The following DLGAP2 variants were observed in gnomAD, a reference collection of about 807,000 sequenced individuals.
The protein encoded by DLGAP2 is DLG associated protein 2.
Under a neutral mutation model 100.3 loss-of-function variants are expected in DLGAP2, and 26 were observed. The ratio of observed to expected loss-of-function variants is 0.26; its 90% CI spans 0.19 to 0.36. The LOEUF (loss-of-function observed/expected upper bound fraction) is 0.36. Among genes scored for constraint, DLGAP2 ranks in the 10% least tolerant of loss-of-function variants. The pLI, the probability that DLGAP2 is intolerant of heterozygous loss-of-function variation, is 1.00. For missense variants in DLGAP2, 1,858 were observed against 1,453.2 expected, an observed-to-expected ratio of 1.28 and a Z score of -4.53; for synonymous variants, 886 against 630.1, an observed-to-expected ratio of 1.41 and a Z score of -6.08.
chr8:1,300,933 C>T (rs544158942), intron 3 of DLGAP2: 1 of 152,286 alleles, frequency 6.6e-6, no homozygotes, highest in African/African-American at 2.4e-5. Flanking sequence ...ATGAACCGAG[C>T]TCAGCGTCCT....
chr8:1,536,536 G>C (rs1006715535), intron 4 of DLGAP2, among the ~76,000 whole-genome samples: 1 of 152,140 alleles, frequency 6.6e-6, no homozygotes, highest in African/African-American at 2.4e-5. Flanking sequence ...TGATCTGAAA[G>C]CATTTTGAGC....
chr8:1,119,494 T>C (rs1444279551), intron 2 of DLGAP2, among the ~76,000 whole-genome samples: 1 of 152,220 alleles, frequency 6.6e-6, no homozygotes, highest in Non-Finnish European at 1.5e-5. Flanking sequence ...GGCCCATTGC[T>C]TCTCGCAGTT....
chr8:1,087,441 C>T (rs1441007168), intron 2 of DLGAP2, among the ~76,000 whole-genome samples: 1 of 152,170 alleles, frequency 6.6e-6, no homozygotes. Context: ...AGGCTGTGAG[C>T]AGCATCAAAT....
intron 3 of DLGAP2, among the ~76,000 whole-genome samples, chr8:1,429,125 C>A (rs1797331535): frequency 6.6e-6 from 1 of 152,162 alleles, no homozygotes; most frequent in East Asian, 1.9e-4. Context: ...CAAAACAAAA[C>A]ATGTTGGATT....
At chr8:1,043,112 G>C (rs1172376899) in intron 2 of DLGAP2, among the ~76,000 whole-genome samples, 1 of 146,304 alleles carries the variant, frequency 6.8e-6, no homozygotes, top group African/African-American at 2.5e-5. Flanking sequence ...GATATGGGTG[G>C]TGGAAGTGGG....
chr8:1,434,388 C>A (rs1159932887), intron 3 of DLGAP2, among the ~76,000 whole-genome samples: 1 of 152,152 alleles, frequency 6.6e-6, no homozygotes, highest in African/African-American at 2.4e-5. Context: ...CCTGCCTGGC[C>A]CATCTCCTGT....
chr8:1,163,662 CG>C (rs974110933), intron 2 of DLGAP2, among the ~76,000 whole-genome samples: 25 of 152,242 alleles, frequency 1.6e-4, no homozygotes, highest in African/African-American at 6.0e-4. Context: ...TGGGGAGGGC[CG>C]GGGATCGAGA....
At chr8:1,132,597 G>T (rs904639279) in intron 2 of DLGAP2, among the ~76,000 whole-genome samples, 11 of 152,260 alleles carry the variant, frequency 7.2e-5, no homozygotes, top group African/African-American at 2.2e-4. Context: ...GCCCAACACA[G>T]TAAAGCCAGA....
intron 3 of DLGAP2, among the ~76,000 whole-genome samples, chr8:1,493,230 G>C (rs547703919): frequency 6.6e-6 from 1 of 152,136 alleles, no homozygotes; most frequent in African/African-American, 2.4e-5. Flanking sequence ...CGCCTCCATG[G>C]ATGGAGCGCA....
chr8:1,179,551 T>C (rs529007456), intron 2 of DLGAP2, among the ~76,000 whole-genome samples: 16 of 152,286 alleles, frequency 1.1e-4, no homozygotes, highest in Admixed American at 4.6e-4. Flanking sequence ...AGTTTCCTTT[T>C]ACTCAAGACG....
At chr8:1,446,654 T>G (rs1363132771) in intron 3 of DLGAP2, among the ~76,000 whole-genome samples, 2 of 152,232 alleles carry the variant, frequency 1.3e-5, no homozygotes, top group African/African-American at 4.8e-5. Flanking sequence ...TTGATGGGGA[T>G]GGCATTGAAT....
At chr8:956,375 G>T (rs887943585) in intron 2 of DLGAP2, among the ~76,000 whole-genome samples, 1 of 152,190 alleles carries the variant, frequency 6.6e-6, no homozygotes, top group Non-Finnish European at 1.5e-5. Flanking sequence ...TGCATGAACG[G>T]TATTGACAGG....
At chr8:1,209,518 T>C (rs562347279) in intron 2 of DLGAP2, among the ~76,000 whole-genome samples, 1 of 152,326 alleles carries the variant, frequency 6.6e-6, no homozygotes, top group South Asian at 2.1e-4. Context: ...GAGTGAATCA[T>C]TTTCATAAAT....
chr8:1,141,114 A>G (rs1336445394), intron 2 of DLGAP2, among the ~76,000 whole-genome samples: 1 of 151,968 alleles, frequency 6.6e-6, no homozygotes, highest in Non-Finnish European at 1.5e-5. Flanking sequence ...AATGATGGGG[A>G]GGCCGTGCTG....
intron 4 of DLGAP2, among the ~76,000 whole-genome samples, chr8:1,505,163 A>G (rs1799863272): frequency 6.6e-6 from 1 of 152,312 alleles, no homozygotes; most frequent in Admixed American, 6.5e-5. Flanking sequence ...AGAGGGTTAA[A>G]TGATGATTTT....
chr8:1,574,160 T>C (rs1413187665), intron 6 of DLGAP2, among the ~76,000 whole-genome samples: 1 of 152,144 alleles, frequency 6.6e-6, no homozygotes. Context: ...TAATATTTTA[T>C]AGTAACACTA....
chr8:1,675,427 G>A (rs1798789447), intron 10 of DLGAP2, among the ~76,000 whole-genome samples: 2 of 152,234 alleles, frequency 1.3e-5, no homozygotes, highest in Admixed American at 1.3e-4. Context: ...TGGAACCTCA[G>A]CCTAGTGCCT....
At chr8:864,381 C>T (rs1364053258) in intron 1 of DLGAP2, among the ~76,000 whole-genome samples, 6 of 152,152 alleles carry the variant, frequency 3.9e-5, no homozygotes, top group Non-Finnish European at 8.8e-5. Flanking sequence ...ATGATGGAAA[C>T]ACTACACACC....
At chr8:934,354 G>C (rs549217477) in intron 2 of DLGAP2, among the ~76,000 whole-genome samples, 5 of 150,044 alleles carry the variant, frequency 3.3e-5, no homozygotes, top group African/African-American at 1.2e-4. Context: ...CCGTGGGCAC[G>C]AGGGGAGGGT....
Sources: allele counts gnomAD v4.1 joint callset (sites outside exome capture counted in the v4.1 genomes callset), GRCh38; gene constraint gnomAD v4.1.1; transcripts MANE v1.5; gene names NCBI Gene and HGNC (gene_info 2026-07-23, HGNC 2026-07-21).